BMP7: variants seen among roughly 807,000 people sequenced by gnomAD.
BMP7 encodes bone morphogenetic protein 7.
Under a neutral mutation model 41.2 loss-of-function variants are expected in BMP7, and 12 were observed. The observed-to-expected ratio is 0.29, with a 90% CI of 0.19 to 0.47. The LOEUF (loss-of-function observed/expected upper bound fraction) is 0.47, where lower values mean the gene tolerates loss of function less well. Among genes scored for constraint, BMP7 ranks in the 20% least tolerant of loss-of-function variants. The probability of loss-of-function intolerance (pLI) is 0.99; values close to 1 mark genes in which losing one functional copy is unlikely to be tolerated. For synonymous variants in BMP7, 248 were observed against 250.0 expected, an observed-to-expected ratio of 0.99 and a Z score of 0.07; for missense variants, 467 against 606.0, an observed-to-expected ratio of 0.77 and a Z score of 2.41.
chr20:57,238,333 G>C (rs1434907735), intron 1 of BMP7, among the ~76,000 whole-genome samples: 2 of 152,164 alleles, frequency 1.3e-5, no homozygotes, highest in Non-Finnish European at 2.9e-5. Context: ...TGTATGGATG[G>C]GCCACATTTT....
At chr20:57,192,008 A>G (rs1208153883) in intron 3 of BMP7, among the ~76,000 whole-genome samples, 5 of 125,696 alleles carry the variant, frequency 4.0e-5, no homozygotes, top group Non-Finnish European at 7.8e-5. Context: ...TATATGTAAT[A>G]TATATTATAT....
chr20:57,173,688 T>G, intron 5 of BMP7: 2 of 328,410 alleles, frequency 6.1e-6, no homozygotes, highest in South Asian at 6.0e-5. Context: ...GCTTGGCTGA[T>G]CCTAAAATGG....
chr20:57,184,531 C>T (rs539965086), intron 3 of BMP7, among the ~76,000 whole-genome samples: 13 of 152,002 alleles, frequency 8.6e-5, no homozygotes, highest in Non-Finnish European at 1.6e-4. Flanking sequence ...AGTAGGGGCA[C>T]GAGTCAGGTC....
intron 1 of BMP7, among the ~76,000 whole-genome samples, chr20:57,253,544 G>A (rs943814941): frequency 1.3e-5 from 2 of 152,070 alleles, no homozygotes; most frequent in Admixed American, 6.5e-5. Context: ...AGTCCCTGTC[G>A]TGTTAATGGG....
intron 1 of BMP7, among the ~76,000 whole-genome samples, chr20:57,256,262 C>T (rs1353249647): frequency 6.6e-6 from 1 of 152,168 alleles, no homozygotes; most frequent in Non-Finnish European, 1.5e-5. Context: ...CTAGCTTCAA[C>T]AAAAATATCT....
chr20:57,222,269 TG>T (rs1255659668), intron 2 of BMP7, among the ~76,000 whole-genome samples: 2 of 151,922 alleles, frequency 1.3e-5, no homozygotes, highest in Non-Finnish European at 1.5e-5. Flanking sequence ...GGATGAATTA[TG>T]GGAAGAAATA....
At chr20:57,241,353 T>C (rs1260807309) in intron 1 of BMP7, among the ~76,000 whole-genome samples, 2 of 152,172 alleles carry the variant, frequency 1.3e-5, no homozygotes, top group South Asian at 4.1e-4. Flanking sequence ...CCTCTCAGAC[T>C]TGTAAATTTT....
chr20:57,262,454 T>G (rs1168442827), intron 1 of BMP7, among the ~76,000 whole-genome samples: 1 of 152,244 alleles, frequency 6.6e-6, no homozygotes, highest in Non-Finnish European at 1.5e-5. Context: ...TCCCACCACC[T>G]GGTTTTGTCG....
chr20:57,253,919 G>C (rs2066123748), intron 1 of BMP7, among the ~76,000 whole-genome samples: 1 of 150,862 alleles, frequency 6.6e-6, no homozygotes, highest in African/African-American at 2.4e-5. Context: ...CTCGACTCCA[G>C]ATTTGTTTCA....
chr20:57,216,597 G>A (rs116959857), intron 2 of BMP7, among the ~76,000 whole-genome samples: 2,711 of 149,108 alleles, frequency 0.018, 43 homozygotes, highest in Non-Finnish European at 0.03. Flanking sequence ...AGGGCGAGGG[G>A]CTGTCTCCTG....
intron 2 of BMP7, among the ~76,000 whole-genome samples, chr20:57,207,607 A>C (rs1269040925): frequency 2.0e-5 from 3 of 151,916 alleles, no homozygotes; most frequent in Admixed American, 2.0e-4. Flanking sequence ...AGAGCCCTGC[A>C]CAGCCGCTTC....
In BMP7 at chr20:57,266,003, G is replaced by C. The variant is rs1459467818; in HGVS notation, c.120C>G (p.Ser40Arg). Residue 40 changes from serine (S) to arginine (R), a missense_variant, in exon 1 of 7, where the codon AGC becomes AGG. By Grantham distance (110) the Ser-to-Arg change is moderately radical. Around this residue, in one of 2 missense-constraint regions of BMP7, gnomAD observed 407 missense variants for 485.9 expected, o/e 0.84. Coordinates refer to ENST00000395863, the MANE Select transcript of BMP7 (RefSeq NM_001719.3). ...DFSLDNEVHS[S>R]FIHRRLRSQE... ...GGCTGCGGAGGCGCCGGTGGATGAA[G>C]CTCGAGTGCACCTCGTTGTCCAGGC... is the stretch of plus-strand genomic sequence containing the variant. The C allele has an allele frequency of 3.2e-6, 5 of 1,549,488 alleles. No homozygotes were observed. In the African/African-American group the frequency reaches 6.8e-5, roughly 21 times the overall value.
intron 6 of BMP7, among the ~76,000 whole-genome samples, chr20:57,172,728 C>A (rs560657915): frequency 1.3e-5 from 2 of 152,206 alleles, no homozygotes; most frequent in Non-Finnish European, 2.9e-5. Context: ...TGGAATCTTC[C>A]TGGTGACCCC....
rs1033705822 is a variant in BMP7, at chr20:57,213,673, G to T, written c.612-11050C>A. Among the ~76,000 whole-genome samples the T allele has an allele frequency of 1.3e-5, 2 of 152,184 alleles. No individual in the cohort carries two copies. Among genetic ancestry groups the T allele is most frequent in the African/African-American group, 4.8e-5 (2 of 41,448 alleles). On this transcript the variant is annotated intron_variant, in intron 2 of 6. Coordinates refer to ENST00000395863, the MANE Select transcript of BMP7 (RefSeq NM_001719.3). The surrounding 1 kb of genome is among the most constrained non-coding windows in gnomAD (Gnocchi z 4.4). ...AGCCACCAGCAGAGACAATCAGGGG[G>T]TGAGAGGCCCGGAATCCTCTTTGTG...
chr20:57,187,554 C>CCTCT (rs140073062), intron 3 of BMP7, among the ~76,000 whole-genome samples: 103,505 of 143,962 alleles, frequency 0.72, 38,804 homozygotes, highest in South Asian at 0.84. Flanking sequence ...GGAAGCCTGC[C>CCTCT]CTCTCTCTCT....
Position 57,217,231 on chromosome 20 carries a change from AG to A in BMP7, c.611+10997del, listed in dbSNP as rs1234403365. On this transcript the variant is annotated intron_variant, in intron 2 of 6. Transcript: ENST00000395863. The stretch of plus-strand genomic sequence containing the variant: ...GACCTGTGGGTTCAACCCCAGAGCA[AG>A]AGGCTGAGCCCGCTCCCTAAGCCCA... 2.0e-5 allele frequency among the ~76,000 whole-genome samples: 3 copies of A among 152,146 alleles called. No individual in the cohort carries two copies. In the East Asian group the frequency reaches 5.8e-4, roughly 29 times the overall value.
At position 57,173,269 on chromosome 20, in the gene BMP7, A is replaced by G; in HGVS notation, c.1077T>C (p.Cys359=). The part of the protein sequence containing the change: ...IAPEGYAAYY[C]EGECAFPLNS... The stretch of plus-strand genomic sequence containing the variant: ...TCAGAGGGAAGGCACACTCCCCCTC[A>G]CAGTAGTAGGCGGCGTAGCCTTCAG... Residue 359 remains cysteine (C), a synonymous_variant, in exon 6 of 7, where the codon TGT becomes TGC. Transcript: ENST00000395863. 6.2e-7 allele frequency: 1 copy of G among 1,614,192 alleles called. No individual in the cohort carries two copies.
intron 2 of BMP7, among the ~76,000 whole-genome samples, chr20:57,209,369 C>T (rs1251547877): frequency 6.7e-6 from 1 of 150,298 alleles, no homozygotes; most frequent in Non-Finnish European, 1.5e-5. Flanking sequence ...CGCTTGAGCC[C>T]AGGAGGCGGA....
intron 1 of BMP7, among the ~76,000 whole-genome samples, chr20:57,231,613 C>T (rs1450697493): frequency 1.3e-5 from 2 of 152,256 alleles, no homozygotes; most frequent in East Asian, 1.9e-4. Context: ...TTCCAACCAT[C>T]TCTGTTCTCC....
Sources: allele counts gnomAD v4.1 joint callset (sites outside exome capture counted in the v4.1 genomes callset), GRCh38; gene constraint gnomAD v4.1.1; regional missense constraint gnomAD v4.1.1; non-coding constraint Gnocchi (gnomAD v3.1); transcripts MANE v1.5; gene names NCBI Gene and HGNC (gene_info 2026-07-23, HGNC 2026-07-21).